SLC35G2: variants seen among roughly 807,000 people sequenced by gnomAD.
SLC35G2 encodes transmembrane protein 22.
Under a neutral mutation model 27.2 loss-of-function variants are expected in SLC35G2, and 20 were observed. The observed-to-expected ratio is 0.74, with a 90% CI of 0.52 to 1.07. The LOEUF is 1.07. SLC35G2 is among the 50% of genes least tolerant of loss of function. The pLI is 0.00. For synonymous variants in SLC35G2, 148 were observed against 165.3 expected (o/e 0.90, Z 0.80); for missense variants, 416 against 493.3 (o/e 0.84, Z 1.48).
intron 1 of SLC35G2, among the ~76,000 whole-genome samples, chr3:136,849,061 C>T (rs1937516796): frequency 6.6e-6 from 1 of 151,976 alleles, no homozygotes; most frequent in Non-Finnish European, 1.5e-5. Context: ...TGCCTGTAAT[C>T]CCAGCTATTT....
chr3:136,821,928 G>A (rs955572681), intron 1 of SLC35G2, among the ~76,000 whole-genome samples: 5 of 152,010 alleles, frequency 3.3e-5, no homozygotes, highest in African/African-American at 1.2e-4. Flanking sequence ...TCGATTCTAT[G>A]ACTTTGACTA....
intron 1 of SLC35G2, among the ~76,000 whole-genome samples, chr3:136,828,017 G>A (rs1936627692): frequency 6.6e-6 from 1 of 151,936 alleles, no homozygotes; most frequent in African/African-American, 2.4e-5. Flanking sequence ...AGTAGAGATG[G>A]GGTTTCGCCA....
Position 136,855,262 on chromosome 3 carries a change from A to G in SLC35G2, c.802A>G (p.Thr268Ala), listed in dbSNP as rs1464959446. The G allele has an allele frequency of 9.9e-6, 16 of 1,614,172 alleles. No individual in the cohort carries two copies. Among genetic ancestry groups the G allele is most frequent in the Non-Finnish European group, 1.3e-5 (15 of 1,180,006 alleles). The part of the protein sequence containing the change: ...YTMTVMAGLT[T>A]ALSMIVYRSI... ...CATGACTGTGATGGCTGGACTGACCACTGCTCTCTCAATGATAGTATACAG... is the reference window on the plus strand; with the variant it reads ...CATGACTGTGATGGCTGGACTGACCGCTGCTCTCTCAATGATAGTATACAG... The change falls in exon 2 of 2, where the codon ACT (threonine) becomes GCT (alanine). Residue 268 changes from threonine to alanine, a missense_variant. Physicochemically the swap from Thr to Ala is moderately conservative, Grantham distance 58. Coordinates refer to ENST00000446465, the MANE Select transcript of SLC35G2 (RefSeq NM_025246.3).
At chr3:136,819,785 C>G (rs1311376507) in intron 1 of SLC35G2, 157 bp downstream of exon 1, 1 of 152,246 alleles carries the variant, frequency 6.6e-6, no homozygotes, top group African/African-American at 2.4e-5. Flanking sequence ...CTGAGATTTT[C>G]GTGGTACATC....
intron 1 of SLC35G2, among the ~76,000 whole-genome samples, chr3:136,848,492 A>C (rs999946854): frequency 6.6e-6 from 1 of 152,146 alleles, no homozygotes; most frequent in East Asian, 1.9e-4. Flanking sequence ...GATGGCAGGC[A>C]TCTGAAGCCC....
intron 1 of SLC35G2, among the ~76,000 whole-genome samples, chr3:136,822,835 A>G (rs1259003042): frequency 6.6e-6 from 1 of 152,208 alleles, no homozygotes; most frequent in Non-Finnish European, 1.5e-5. Context: ...CGTTGCTTCC[A>G]GATCTTGGCT....
intron 1 of SLC35G2, chr3:136,837,747 G>A (rs957958916): frequency 1.3e-5 from 2 of 152,052 alleles, no homozygotes; most frequent in Non-Finnish European, 2.9e-5. Flanking sequence ...CTTTGCTGGT[G>A]ATGATCTTAG....
intron 1 of SLC35G2, among the ~76,000 whole-genome samples, chr3:136,847,820 T>C (rs1255914763): frequency 6.6e-6 from 1 of 151,840 alleles, no homozygotes; most frequent in Non-Finnish European, 1.5e-5. Context: ...ATACAAAAAT[T>C]AGCTGGATTT....
intron 1 of SLC35G2, among the ~76,000 whole-genome samples, chr3:136,840,429 T>C (rs548401257): frequency 1.3e-5 from 2 of 152,266 alleles, no homozygotes; most frequent in East Asian, 3.9e-4. Context: ...GTGATGATGA[T>C]AAATTTGGAC....
intron 1 of SLC35G2, chr3:136,843,397 A>C (rs1187852136): frequency 1.3e-5 from 2 of 149,628 alleles, no homozygotes; most frequent in Non-Finnish European, 3.0e-5. Context: ...TAATCCCAGC[A>C]CTTAGGGAGG....
chr3:136,829,528 A>G (rs1424855756), intron 1 of SLC35G2, among the ~76,000 whole-genome samples: 1 of 152,070 alleles, frequency 6.6e-6, no homozygotes, highest in African/African-American at 2.4e-5. Flanking sequence ...ACTCCTTTAG[A>G]TTATTTTTCA....
intron 1 of SLC35G2, chr3:136,838,246 C>A (rs948046564): frequency 1.4e-5 from 2 of 140,988 alleles, no homozygotes; most frequent in African/African-American, 2.7e-5. Context: ...GTAGCATATA[C>A]ATATATATAT....
intron 1 of SLC35G2, among the ~76,000 whole-genome samples, chr3:136,830,027 A>G (rs1026053417): frequency 1.3e-5 from 2 of 149,596 alleles, no homozygotes; most frequent in African/African-American, 2.5e-5. Context: ...CTCTTTCACT[A>G]TCTCCTCTTT....
chr3:136,823,031 A>G (rs1036105983), intron 1 of SLC35G2, among the ~76,000 whole-genome samples: 8 of 152,160 alleles, frequency 5.3e-5, no homozygotes, highest in African/African-American at 1.9e-4. Flanking sequence ...CTCACCAACA[A>G]TGTGTGAGAG....
chr3:136,824,618 C>CTAAT (rs1936540155), intron 1 of SLC35G2, among the ~76,000 whole-genome samples: 1 of 152,140 alleles, frequency 6.6e-6, no homozygotes. Flanking sequence ...CAGTAGTTTA[C>CTAAT]TAATGAATTC....
chr3:136,824,269 T>C (rs367770599), intron 1 of SLC35G2, among the ~76,000 whole-genome samples: 1 of 152,328 alleles, frequency 6.6e-6, no homozygotes, highest in East Asian at 1.9e-4. Context: ...ATGTCATTGC[T>C]ATTTAAACAG....
In SLC35G2 at chr3:136,819,323, C is replaced by T. The variant is rs1461177060; in HGVS notation, c.-324C>T. The T allele has an allele frequency of 6.6e-6, 1 of 152,330 alleles. No individual in the cohort carries two copies. The highest frequency in any genetic ancestry group is 2.4e-5 in the African/African-American group (1 of 41,472). The allele number at this position is 152,330 out of a possible 1,614,324, so 9.4% of individuals were successfully genotyped here. ...GCGGACCCCGAACTCCACACACCCG[C>T]GTTTAGCCGCCACACCTAAGGGGCA... is the stretch of plus-strand genomic sequence containing the variant. On this transcript the variant is annotated 5_prime_UTR_variant, in exon 1 of 2. Transcript: ENST00000446465.
rs9827648 is a variant in SLC35G2 at position 136,854,598 on chromosome 3, A to G, written c.138A>G (p.Gly46=). The change falls in exon 2 of 2, where the codon GGA becomes GGG. Residue 46 remains glycine, a synonymous_variant. Transcript: ENST00000446465. ...DGYEEINEGY[G]NFMEENPKKG... is the part of the protein sequence containing the mutation. ...ATGAAGAAATCAATGAAGGCTATGG[A>G]AATTTTATGGAGGAAAATCCAAAGA... is the stretch of plus-strand genomic sequence containing the variant. The G allele has an allele frequency of 0.7, 1,121,997 of 1,612,328 alleles. 392,472 individuals are homozygous for G. Among genetic ancestry groups the G allele is most frequent in the East Asian group, 0.87 (38,948 of 44,842 alleles).
rs374783181 is a variant in SLC35G2 at position 136,855,233 on chromosome 3, A to C, written c.773A>C (p.Tyr258Ser). ...AATGCCTGGAAAGAAGCCTTTGGGTACACCATGACTGTGATGGCTGGACTG... is the reference window on the plus strand; with the variant it reads ...AATGCCTGGAAAGAAGCCTTTGGGTCCACCATGACTGTGATGGCTGGACTG... The part of the protein sequence containing the change: ...LLNAWKEAFG[Y>S]TMTVMAGLTT... Residue 258 changes from tyrosine (Y) to serine (S), a missense_variant, in exon 2 of 2, where the codon TAC becomes TCC. Physicochemically the swap from Tyr to Ser is moderately radical, Grantham distance 144. Transcript: ENST00000446465. 2 of 1,614,106 alleles carry C rather than the reference A, an allele frequency of 1.2e-6. No homozygotes were observed. The highest frequency in any genetic ancestry group is 2.7e-5 in the African/African-American group (2 of 74,950).
Sources: allele counts gnomAD v4.1 joint callset (sites outside exome capture counted in the v4.1 genomes callset), GRCh38; gene constraint gnomAD v4.1.1; transcripts MANE v1.5; gene names NCBI Gene and HGNC (gene_info 2026-07-23, HGNC 2026-07-21).